Variants in CCSER1 observed in about 807,000 individuals in gnomAD.
CCSER1 encodes serine-rich coiled-coil domain-containing protein 1.
In CCSER1, 41 loss-of-function variants were observed where a neutral mutation model predicts 82.0. The observed-to-expected ratio is 0.50, with a 90% CI of 0.39 to 0.65. The LOEUF is 0.65. CCSER1 is among the 30% of genes least tolerant of loss of function. The probability of loss-of-function intolerance (pLI) is 0.00; values close to 1 mark genes in which losing one functional copy is unlikely to be tolerated. For missense variants in CCSER1, 1,119 were observed against 1,064.2 expected (o/e 1.05, Z -0.72); for synonymous variants, 414 against 383.9 (o/e 1.08, Z -0.92).
At chr4:90,526,571 T>C (rs1773790770) in intron 5 of CCSER1, among the ~76,000 whole-genome samples, 1 of 152,176 alleles carries the variant, frequency 6.6e-6, no homozygotes, top group African/African-American at 2.4e-5. Flanking sequence ...CCCACCTGTG[T>C]CTATGTGTTC....
chr4:91,091,913 G>C (rs1723997369), intron 10 of CCSER1, among the ~76,000 whole-genome samples: 1 of 152,208 alleles, frequency 6.6e-6, no homozygotes, highest in Middle Eastern at 3.4e-3. Flanking sequence ...AGATTGTCTG[G>C]GTAATTTTCC....
intron 10 of CCSER1, among the ~76,000 whole-genome samples, chr4:91,113,858 T>C (rs1200462868): frequency 6.6e-6 from 1 of 152,052 alleles, no homozygotes; most frequent in Non-Finnish European, 1.5e-5. Context: ...ACATTTTTTT[T>C]TTTTTCTTTT....
At chr4:90,186,046 A>G (rs1033134715) in intron 1 of CCSER1, among the ~76,000 whole-genome samples, 1 of 152,010 alleles carries the variant, frequency 6.6e-6, no homozygotes, top group African/African-American at 2.4e-5. Context: ...GGAATAATGT[A>G]TTCAACAGCT....
At chr4:91,356,932 C>A (rs750811580) in intron 10 of CCSER1, among the ~76,000 whole-genome samples, 2 of 152,180 alleles carry the variant, frequency 1.3e-5, no homozygotes, top group Non-Finnish European at 2.9e-5. Flanking sequence ...GCCTGGTCGA[C>A]TGAAGGACCA....
chr4:90,194,856 T>G (rs1455560689), intron 1 of CCSER1, among the ~76,000 whole-genome samples: 3 of 152,078 alleles, frequency 2.0e-5, no homozygotes, highest in Non-Finnish European at 4.4e-5. Context: ...AGTATACTCT[T>G]ACTGTAGTCC....
At chr4:90,498,975 TC>T (rs1769423979) in intron 5 of CCSER1, among the ~76,000 whole-genome samples, 1 of 152,136 alleles carries the variant, frequency 6.6e-6, no homozygotes, top group African/African-American at 2.4e-5. Flanking sequence ...TTTTAAAAAA[TC>T]TCTCTGCAAT....
At chr4:91,082,610 A>G (rs1174321563) in intron 9 of CCSER1, among the ~76,000 whole-genome samples, 2 of 152,178 alleles carry the variant, frequency 1.3e-5, no homozygotes, top group Non-Finnish European at 2.9e-5. Context: ...AACTACCATC[A>G]GAGTGAATAG....
chr4:91,484,546 TC>T (rs1265714788), intron 10 of CCSER1, among the ~76,000 whole-genome samples: 1 of 152,230 alleles, frequency 6.6e-6, no homozygotes, highest in Non-Finnish European at 1.5e-5. Context: ...TTATAAATGT[TC>T]ATGTTTTAGG....
chr4:90,771,176 A>G (rs1053507080), intron 7 of CCSER1, among the ~76,000 whole-genome samples: 1 of 152,120 alleles, frequency 6.6e-6, no homozygotes, highest in East Asian at 1.9e-4. Context: ...ATTTACATAA[A>G]TTATCATAAT....
intron 7 of CCSER1, among the ~76,000 whole-genome samples, chr4:90,783,064 C>T (rs187853688): frequency 1.3e-3 from 192 of 151,500 alleles, no homozygotes; most frequent in Middle Eastern, 6.8e-3. Context: ...GCCTCAGCCT[C>T]CCGAATAGCT....
chr4:90,361,931 C>T (rs1360390824), intron 3 of CCSER1, among the ~76,000 whole-genome samples: 1 of 152,168 alleles, frequency 6.6e-6, no homozygotes, highest in Admixed American at 6.5e-5. Flanking sequence ...AAGATATATA[C>T]AGTTTCTTTC....
intron 3 of CCSER1, among the ~76,000 whole-genome samples, chr4:90,323,700 G>C (rs965830415): frequency 1.3e-5 from 2 of 151,804 alleles, no homozygotes; most frequent in Non-Finnish European, 2.9e-5. Context: ...TTAAGTTTTA[G>C]AGTACATGTG....
chr4:91,337,947 A>G (rs915617041), intron 10 of CCSER1, among the ~76,000 whole-genome samples: 1 of 152,124 alleles, frequency 6.6e-6, no homozygotes, highest in Non-Finnish European at 1.5e-5. Context: ...AAGTGGGGGA[A>G]AACAGTATTT....
chr4:91,404,251 C>CT (rs1042679389), intron 10 of CCSER1, among the ~76,000 whole-genome samples: 5 of 151,544 alleles, frequency 3.3e-5, no homozygotes, highest in Non-Finnish European at 4.4e-5. Flanking sequence ...TATCCCTTTT[C>CT]TTTTTTTATT....
chr4:91,285,344 G>C (rs1743203754), intron 10 of CCSER1, among the ~76,000 whole-genome samples: 1 of 150,902 alleles, frequency 6.6e-6, no homozygotes, highest in Non-Finnish European at 1.5e-5. Context: ...CTGTTATGGA[G>C]ATAGAGAAGA....
chr4:90,920,700 T>G (rs1339837649), intron 8 of CCSER1, among the ~76,000 whole-genome samples: 5 of 151,920 alleles, frequency 3.3e-5, no homozygotes, highest in African/African-American at 7.2e-5. Flanking sequence ...GTAACTGTAT[T>G]TTACCTATAG....
At chr4:90,496,990 A>G (rs1027212440) in intron 5 of CCSER1, among the ~76,000 whole-genome samples, 32 of 151,520 alleles carry the variant, frequency 2.1e-4, no homozygotes, top group East Asian at 9.7e-4. Flanking sequence ...AAAAAAAAAA[A>G]AAAGAAAGAG....
chr4:90,723,846 C>A (rs967316251), intron 6 of CCSER1, 68 bp from the exon 7 acceptor site: 2 of 652,948 alleles, frequency 3.1e-6, no homozygotes, highest in African/African-American at 1.9e-5. Context: ...ATTTATTTTT[C>A]TAAATTATGA....
intron 10 of CCSER1, among the ~76,000 whole-genome samples, chr4:91,177,880 T>A (rs1382116041): frequency 6.6e-6 from 1 of 152,194 alleles, no homozygotes; most frequent in Non-Finnish European, 1.5e-5. Flanking sequence ...CTCTTGCTTC[T>A]CTAGTTCTTT....
Sources: gnomAD v4.1 joint callset for allele counts (sites outside exome capture counted in the v4.1 genomes callset) on GRCh38, gnomAD v4.1.1 for gene constraint, MANE v1.5 for transcripts, NCBI Gene and HGNC (gene_info 2026-07-23, HGNC 2026-07-21) for gene names.